The following SNAP25 variants were observed in gnomAD, a reference collection of about 807,000 sequenced individuals.
SNAP25 encodes the protein synaptosome associated protein 25, also known as synaptosomal-associated protein 25.
A neutral mutation model predicts 28.7 loss-of-function variants in SNAP25; 3 were observed. The ratio of observed to expected loss-of-function variants is 0.10; its 90% CI spans 0.05 to 0.27. SNAP25 has a LOEUF of 0.27. SNAP25 is among the 10% of genes least tolerant of loss of function. The probability of loss-of-function intolerance (pLI) is 1.00; values close to 1 mark genes in which losing one functional copy is unlikely to be tolerated. For synonymous variants in SNAP25, 61 were observed against 88.1 expected (o/e 0.69, Z 1.72); for missense variants, 117 against 278.7 (o/e 0.42, Z 4.13).
At position 10,267,789 on chromosome 20, in the gene SNAP25, A is replaced by G. The variant is rs190523570; in HGVS notation, c.-63-7640A>G. On this transcript the variant is annotated intron_variant, in intron 1 of 7. Coordinates refer to ENST00000254976, the MANE Select transcript of SNAP25 (RefSeq NM_130811.4). ...ATGGTCTCTAGCTCTTGACCTTGTG[A>G]TCTGCCCGCCTCGGCCTCCCAAAGT... Among the ~76,000 whole-genome samples, 463 of 152,298 alleles carry G rather than the reference A, an allele frequency of 3.0e-3. 1 individual carries two copies. The highest frequency in any genetic ancestry group is 0.011 in the African/African-American group (441 of 41,562).
intron 1 of SNAP25, among the ~76,000 whole-genome samples, chr20:10,232,500 C>T (rs894501346): frequency 3.9e-5 from 6 of 152,210 alleles, no homozygotes; most frequent in Admixed American, 3.9e-4. Context: ...ATAAACTACT[C>T]ACCTCTGAGA....
intron 1 of SNAP25, among the ~76,000 whole-genome samples, chr20:10,267,512 A>G (rs948220911): frequency 5.3e-5 from 8 of 151,920 alleles, no homozygotes; most frequent in Non-Finnish European, 1.0e-4. Context: ...TCCAATATGT[A>G]AATGAAACTA....
At chr20:10,252,133 C>T (rs1229323311) in intron 1 of SNAP25, among the ~76,000 whole-genome samples, 3 of 152,190 alleles carry the variant, frequency 2.0e-5, no homozygotes, top group East Asian at 1.9e-4. Flanking sequence ...GAGACACCCA[C>T]GTGCAAACTC....
chr20:10,240,019 C>T (rs2062996412), intron 1 of SNAP25, among the ~76,000 whole-genome samples: 1 of 152,204 alleles, frequency 6.6e-6, no homozygotes, highest in Non-Finnish European at 1.5e-5. Flanking sequence ...AGTCTGGGCC[C>T]AGCATGGCAG....
Position 10,306,953 on chromosome 20 carries a change from C to T in SNAP25, c.*756C>T, listed in dbSNP as rs1401761782. On this transcript the variant is annotated 3_prime_UTR_variant, in exon 8 of 8. Transcript: ENST00000254976. ...TATATAGAGACTTCTAAATCATAAT[C>T]ATCCTTTTTTAAAAAAAAGAATTTT... 1 of 152,736 alleles carries T rather than the reference C, an allele frequency of 6.5e-6. No individual in the cohort carries two copies. The highest frequency in any genetic ancestry group is 1.5e-5 in the Non-Finnish European group (1 of 68,142). The allele number at this position is 152,736 out of a possible 1,614,324, so 9.5% of individuals were successfully genotyped here.
intron 1 of SNAP25, among the ~76,000 whole-genome samples, chr20:10,248,335 T>G (rs961782736): frequency 6.6e-6 from 1 of 152,198 alleles, no homozygotes; most frequent in African/African-American, 2.4e-5. Context: ...ATGCAAATTA[T>G]TTTATAGTGT....
At chr20:10,247,431 C>A (rs879418887) in intron 1 of SNAP25, among the ~76,000 whole-genome samples, 12 of 152,114 alleles carry the variant, frequency 7.9e-5, no homozygotes, top group Non-Finnish European at 1.2e-4. Context: ...CCTTTTAGAC[C>A]AACACAGGCA....
intron 4 of SNAP25, chr20:10,292,839 C>G: frequency 3.0e-6 from 4 of 1,342,974 alleles, no homozygotes; most frequent in Non-Finnish European, 4.2e-6. Context: ...TTGGAGACCC[C>G]CAAAAAATTC....
intron 1 of SNAP25, among the ~76,000 whole-genome samples, chr20:10,222,727 G>A (rs969670628): frequency 2.6e-5 from 4 of 152,154 alleles, no homozygotes; most frequent in African/African-American, 9.7e-5. Context: ...GTAGAGGGGA[G>A]CAAATTGGTA....
intron 1 of SNAP25, among the ~76,000 whole-genome samples, chr20:10,244,014 A>T (rs2063083195): frequency 6.6e-6 from 1 of 152,136 alleles, no homozygotes; most frequent in Non-Finnish European, 1.5e-5. Flanking sequence ...TTGAGACAGC[A>T]CTTCCTGACT....
chr20:10,219,519 T>C (rs1213930472), intron 1 of SNAP25: 1 of 151,956 alleles, frequency 6.6e-6, no homozygotes, highest in Non-Finnish European at 1.5e-5. Context: ...CTGCTCCACG[T>C]CAACTGCAGG....
intron 3 of SNAP25, among the ~76,000 whole-genome samples, chr20:10,283,997 A>C (rs1361860801): frequency 6.6e-6 from 1 of 152,136 alleles, no homozygotes; most frequent in African/African-American, 2.4e-5. Context: ...CCTTTTAAAG[A>C]CTTCCCCGGC....
At chr20:10,296,888 C>T (rs1205898179) in intron 5 of SNAP25, 37 bp from the exon 6 acceptor site, 1 of 1,613,098 alleles carries the variant, frequency 6.2e-7, no homozygotes, top group Non-Finnish European at 8.5e-7. Flanking sequence ...TGCTCCTCCA[C>T]CCCTGTGCCT....
At chr20:10,260,708 C>CACACACACACACACAA (rs1568597213) in intron 1 of SNAP25, among the ~76,000 whole-genome samples, 1 of 150,054 alleles carries the variant, frequency 6.7e-6, no homozygotes, top group East Asian at 1.9e-4. Context: ...CACACACACA[C>CACACACACACACACAA]ACACACACAC....
chr20:10,283,291 CT>C (rs1162311933), intron 3 of SNAP25, among the ~76,000 whole-genome samples: 1 of 152,212 alleles, frequency 6.6e-6, no homozygotes, highest in Non-Finnish European at 1.5e-5. Context: ...GTTGTCATTG[CT>C]GTCTTACAAA....
chr20:10,265,353 T>G (rs1261606514), intron 1 of SNAP25, among the ~76,000 whole-genome samples: 1 of 152,228 alleles, frequency 6.6e-6, no homozygotes, highest in Non-Finnish European at 1.5e-5. Context: ...CTTTTTGCTC[T>G]GGTCCTTAGT....
chr20:10,302,626 T>C (rs2064267124), intron 7 of SNAP25, among the ~76,000 whole-genome samples: 1 of 152,068 alleles, frequency 6.6e-6, no homozygotes, highest in Admixed American at 6.6e-5. Context: ...ACATGTAACA[T>C]ATGTTGGGCA....
chr20:10,234,860 T>C (rs2062889311), intron 1 of SNAP25, among the ~76,000 whole-genome samples: 1 of 152,174 alleles, frequency 6.6e-6, no homozygotes, highest in African/African-American at 2.4e-5. Context: ...TTCAGAGTGA[T>C]ACTTTTTAAT....
At chr20:10,298,934 A>C (rs979512077) in intron 6 of SNAP25, among the ~76,000 whole-genome samples, 8 of 152,222 alleles carry the variant, frequency 5.3e-5, no homozygotes, top group Non-Finnish European at 8.8e-5. Context: ...GCTCTGACCT[A>C]AAGTCCTTTC....
Sources: gnomAD v4.1 joint callset for allele counts (sites outside exome capture counted in the v4.1 genomes callset) on GRCh38, gnomAD v4.1.1 for gene constraint, MANE v1.5 for transcripts, NCBI Gene and HGNC (gene_info 2026-07-23, HGNC 2026-07-21) for gene names.